The following ADCY2 variants were observed in gnomAD, a reference collection of about 807,000 sequenced individuals.
ADCY2 encodes adenylate cyclase type 2.
ADCY2 carries 31 observed loss-of-function variants against 125.2 expected under a neutral mutation model. The ratio of observed to expected loss-of-function variants is 0.25; its 90% CI spans 0.19 to 0.33. ADCY2 has a LOEUF of 0.33. ADCY2 is among the 10% of genes least tolerant of loss of function. The pLI, the probability that ADCY2 is intolerant of heterozygous loss-of-function variation, is 1.00. For synonymous variants in ADCY2, 512 were observed against 548.4 expected (o/e 0.93, Z 0.93); for missense variants, 904 against 1,418.2 (o/e 0.64, Z 5.82).
intron 1 of ADCY2, among the ~76,000 whole-genome samples, chr5:7,405,516 T>C (rs7704647): frequency 0.31 from 47,206 of 152,056 alleles, 8,058 homozygotes; most frequent in African/African-American, 0.43. Flanking sequence ...CCAGGTCACT[T>C]GGCTGTCTCC....
At chr5:7,682,548 T>C (rs565382276) in intron 4 of ADCY2, among the ~76,000 whole-genome samples, 2 of 152,326 alleles carry the variant, frequency 1.3e-5, no homozygotes, top group East Asian at 3.9e-4. Flanking sequence ...GGGAGGAGCC[T>C]GTCATCCAAG....
At chr5:7,713,008 C>T in intron 11 of ADCY2, 109 bp downstream of exon 11, 1 of 790,452 alleles carries the variant, frequency 1.3e-6, no homozygotes, top group East Asian at 2.6e-5. Flanking sequence ...GAAAGAGCAG[C>T]TCCCCCTGAA....
At chr5:7,546,913 G>A (rs1450756881) in intron 3 of ADCY2, among the ~76,000 whole-genome samples, 1 of 152,156 alleles carries the variant, frequency 6.6e-6, no homozygotes, top group East Asian at 1.9e-4. Context: ...GCCCAGGCAA[G>A]TCCCCATGTT....
intron 4 of ADCY2, chr5:7,690,409 T>C (rs1740668042): frequency 4.2e-6 from 1 of 237,500 alleles, no homozygotes. Flanking sequence ...AAAATCAAAA[T>C]AGATTTAAAA....
intron 2 of ADCY2, among the ~76,000 whole-genome samples, chr5:7,476,108 C>G (rs1015285708): frequency 1.1e-4 from 17 of 152,254 alleles, no homozygotes; most frequent in Non-Finnish European, 2.4e-4. Context: ...ACTGTAAGCC[C>G]AGGAACTTTA....
chr5:7,592,162 C>T (rs1230936974), intron 3 of ADCY2, among the ~76,000 whole-genome samples: 1 of 152,150 alleles, frequency 6.6e-6, no homozygotes, highest in Non-Finnish European at 1.5e-5. Context: ...AGAAAAGTAT[C>T]TCCCATTGCC....
chr5:7,660,992 A>T (rs1382399756), intron 4 of ADCY2, among the ~76,000 whole-genome samples: 1 of 152,134 alleles, frequency 6.6e-6, no homozygotes, highest in African/African-American at 2.4e-5. Flanking sequence ...AAACTCAAAA[A>T]ATCTTCACTG....
At chr5:7,661,914 T>A (rs1458127547) in intron 4 of ADCY2, among the ~76,000 whole-genome samples, 3 of 152,220 alleles carry the variant, frequency 2.0e-5, no homozygotes, top group Non-Finnish European at 4.4e-5. Context: ...ACATTTCTAA[T>A]TGCATGCTTT....
At chr5:7,511,195 A>G (rs1744043739) in intron 2 of ADCY2, among the ~76,000 whole-genome samples, 1 of 152,318 alleles carries the variant, frequency 6.6e-6, no homozygotes, top group East Asian at 1.9e-4. Context: ...CTGCATATAT[A>G]TGGGGGAAGA....
chr5:7,530,520 G>C (rs1049267822), intron 3 of ADCY2, among the ~76,000 whole-genome samples: 1 of 152,050 alleles, frequency 6.6e-6, no homozygotes, highest in Admixed American at 6.5e-5. Flanking sequence ...AGGAATCTTG[G>C]CTGGGATTGT....
intron 4 of ADCY2, 97 bp from the exon 5 acceptor site, chr5:7,690,593 AC>A: frequency 8.7e-7 from 1 of 1,149,866 alleles, no homozygotes; most frequent in Non-Finnish European, 1.1e-6. Flanking sequence ...GAATTCCCAA[AC>A]TGGCCTTCCT....
At chr5:7,530,705 C>T (rs1175178893) in intron 3 of ADCY2, among the ~76,000 whole-genome samples, 1 of 152,122 alleles carries the variant, frequency 6.6e-6, no homozygotes, top group Non-Finnish European at 1.5e-5. Flanking sequence ...CATTCATCCT[C>T]AGAATGAAAT....
intron 3 of ADCY2, among the ~76,000 whole-genome samples, chr5:7,603,100 C>T (rs1440966706): frequency 1.3e-5 from 2 of 152,056 alleles, no homozygotes; most frequent in East Asian, 1.9e-4. Context: ...TAGAAGTGTC[C>T]CACGAACAGT....
chr5:7,561,172 A>G lies in ADCY2; in HGVS notation c.570+40273A>G, dbSNP rs111963375. On this transcript the variant is annotated intron_variant, in intron 3 of 24. Coordinates refer to ENST00000338316, the MANE Select transcript of ADCY2 (RefSeq NM_020546.3). Reference sequence around the variant, plus strand: ...TACTATTTAGTGATTTTCATTTTTTATGTTTCTATTTTTTCAATGCTTTTA... The same window carrying G: ...TACTATTTAGTGATTTTCATTTTTTGTGTTTCTATTTTTTCAATGCTTTTA... 3.0e-4 allele frequency among the ~76,000 whole-genome samples: 46 copies of G among 152,178 alleles called. 1 individual carries two copies. The highest frequency in any genetic ancestry group is 1.0e-3 in the African/African-American group (43 of 41,534).
At position 7,665,828 on chromosome 5, in the gene ADCY2, C is replaced by CTTTT. The variant is rs70940750; in HGVS notation, c.721-24838_721-24835dup. ...TGTTTTGTTTTTTTTTAATTTAATT[C>CTTTT]TTTTTTTTTTTTTTTTTTTTTTTTT... On this transcript the variant is annotated intron_variant, in intron 4 of 24. Transcript: ENST00000338316. Among the ~76,000 whole-genome samples, 85 of 38,636 alleles carry CTTTT rather than the reference C, an allele frequency of 2.2e-3. 31 individuals carry two copies. The highest frequency in any genetic ancestry group is 7.6e-3 in the African/African-American group (73 of 9,638). The allele number at this position is 38,636 out of a possible 152,430, so 25.3% of individuals were successfully genotyped here.
intron 5 of ADCY2, among the ~76,000 whole-genome samples, chr5:7,694,136 G>T (rs1740812111): frequency 6.6e-6 from 1 of 152,184 alleles, no homozygotes; most frequent in African/African-American, 2.4e-5. Context: ...CAGCAGAGGA[G>T]CAAGTATTTC....
chr5:7,717,013 C>A (rs545866316), intron 11 of ADCY2, 144 bp from the exon 12 acceptor site: 2 of 573,534 alleles, frequency 3.5e-6, no homozygotes, highest in Non-Finnish European at 6.3e-6. Context: ...TCCCTAAATA[C>A]CCCGATTGAT....
Position 7,810,293 on chromosome 5 carries a change from G to A in ADCY2, c.2883+5601G>A, listed in dbSNP as rs933302635. 1.6e-4 allele frequency among the ~76,000 whole-genome samples: 24 copies of A among 151,638 alleles called. No homozygotes were observed. The East Asian group carries it at 2.2e-3, about 14-fold the overall frequency. ...GATTGGTGGGTTATCTGCTTGAATG[G>A]TGGGTTATCTACCTGATTGGTGGGT... On this transcript the variant is annotated intron_variant, in intron 22 of 24. Coordinates refer to ENST00000338316, the MANE Select transcript of ADCY2 (RefSeq NM_020546.3).
At chr5:7,512,218 C>CAAAAAAAAAAAAAAAA (rs57381383) in intron 2 of ADCY2, among the ~76,000 whole-genome samples, 1,195 of 57,708 alleles carry the variant, frequency 0.021, 202 homozygotes, top group East Asian at 0.14. Context: ...ATGACTCCAT[C>CAAAAAAAAAAAAAAAA]AAAAAAAAAA....
Sources: gnomAD v4.1 joint callset for allele counts (sites outside exome capture counted in the v4.1 genomes callset) on GRCh38, gnomAD v4.1.1 for gene constraint, MANE v1.5 for transcripts, NCBI Gene and HGNC (gene_info 2026-07-23, HGNC 2026-07-21) for gene names.